The following TAOK3 variants were observed in gnomAD, a reference collection of about 807,000 sequenced individuals.
The protein encoded by TAOK3 is TAO kinase 3, also known as serine/threonine-protein kinase TAO3.
TAOK3 carries 40 observed loss-of-function variants against 120.4 expected under a neutral mutation model. The ratio of observed to expected loss-of-function variants is 0.33; its 90% CI spans 0.26 to 0.43. TAOK3 has a LOEUF of 0.43. TAOK3 is among the 20% of genes least tolerant of loss of function. TAOK3 has a pLI of 1.00. For missense variants in TAOK3, 821 were observed against 1,112.1 expected (o/e 0.74, Z 3.72); for synonymous variants, 355 against 387.5 (o/e 0.92, Z 0.99).
rs752858090 is a variant in TAOK3 at position 118,150,959 on chromosome 12, T to TC, written c.*37_*38insG. ...GGTCTGAATTTTTTTCTGTTTTCTT[T>TC]TTTTTTTTTTTTTTTGTAAATGGCA... On this transcript the variant is annotated 3_prime_UTR_variant, in exon 21 of 21. Coordinates refer to ENST00000392533, the MANE Select transcript of TAOK3 (RefSeq NM_016281.4). 22 of 1,239,128 alleles carry TC rather than the reference T, an allele frequency of 1.8e-5. No individual in the cohort carries two copies. In the East Asian group the frequency reaches 4.3e-4, roughly 24 times the overall value. 76.8% of individuals were successfully genotyped at this position (1,239,128 alleles called of 1,614,324 possible).
intron 3 of TAOK3, among the ~76,000 whole-genome samples, chr12:118,251,218 T>A (rs951318721): frequency 6.6e-6 from 1 of 151,966 alleles, no homozygotes; most frequent in African/African-American, 2.4e-5. Context: ...GATAGCAGAG[T>A]CTTCCTGGTA....
intron 8 of TAOK3, among the ~76,000 whole-genome samples, chr12:118,234,040 T>C (rs1454562378): frequency 1.3e-5 from 2 of 152,052 alleles, no homozygotes; most frequent in Non-Finnish European, 2.9e-5. Flanking sequence ...TGTACATCAG[T>C]TTCTTCATCT....
intron 1 of TAOK3, among the ~76,000 whole-genome samples, chr12:118,288,213 A>G (rs1803955852): frequency 6.6e-6 from 1 of 152,022 alleles, no homozygotes; most frequent in African/African-American, 2.4e-5. Context: ...ACTTAAATTT[A>G]TAAACTTATA....
intron 2 of TAOK3, among the ~76,000 whole-genome samples, chr12:118,258,661 G>A (rs758625001): frequency 6.6e-5 from 10 of 151,208 alleles, no homozygotes; most frequent in African/African-American, 1.2e-4. Flanking sequence ...GCAGTGAGCC[G>A]AGATCGTGCC....
intron 1 of TAOK3, among the ~76,000 whole-genome samples, chr12:118,363,302 C>A (rs1253238311): frequency 6.6e-6 from 1 of 152,070 alleles, no homozygotes; most frequent in African/African-American, 2.4e-5. Context: ...TTATATCTTA[C>A]AATTGCACAC....
At chr12:118,337,100 C>G (rs1313684175) in intron 1 of TAOK3, among the ~76,000 whole-genome samples, 1 of 152,046 alleles carries the variant, frequency 6.6e-6, no homozygotes, top group Non-Finnish European at 1.5e-5. Flanking sequence ...AGACATAAAA[C>G]AGGAATTTCA....
intron 4 of TAOK3, among the ~76,000 whole-genome samples, chr12:118,244,626 T>G (rs2040407351): frequency 6.6e-6 from 1 of 150,782 alleles, no homozygotes; most frequent in Non-Finnish European, 1.5e-5. Context: ...CCTCCCGGGT[T>G]CACGCCATTC....
At chr12:118,162,874 G>T (rs2035313852) in intron 17 of TAOK3, among the ~76,000 whole-genome samples, 1 of 152,132 alleles carries the variant, frequency 6.6e-6, no homozygotes, top group Non-Finnish European at 1.5e-5. Context: ...TTCCTCAATT[G>T]AAGAATATTT....
intron 9 of TAOK3, among the ~76,000 whole-genome samples, chr12:118,219,580 C>T (rs1257489239): frequency 6.6e-6 from 1 of 151,820 alleles, no homozygotes; most frequent in Non-Finnish European, 1.5e-5. Context: ...TTGCTTTCTT[C>T]CACATATCAC....
chr12:118,158,712 T>C (rs1054822837), intron 19 of TAOK3, among the ~76,000 whole-genome samples: 16 of 152,236 alleles, frequency 1.1e-4, no homozygotes, highest in African/African-American at 3.9e-4. Flanking sequence ...CTAATATCTT[T>C]CTGTAACACA....
At chr12:118,362,174 T>C (rs1456893344) in intron 1 of TAOK3, among the ~76,000 whole-genome samples, 1 of 152,066 alleles carries the variant, frequency 6.6e-6, no homozygotes, top group East Asian at 1.9e-4. Context: ...GATACAGCAA[T>C]TAATAAAACA....
At chr12:118,216,080 C>T (rs904373336) in intron 9 of TAOK3, among the ~76,000 whole-genome samples, 5 of 152,112 alleles carry the variant, frequency 3.3e-5, no homozygotes, top group African/African-American at 4.8e-5. Context: ...AGCCTGTAAT[C>T]CCACCTACTT....
chr12:118,186,677 C>T (rs2037097632), intron 14 of TAOK3, among the ~76,000 whole-genome samples: 1 of 152,134 alleles, frequency 6.6e-6, no homozygotes, highest in Non-Finnish European at 1.5e-5. Flanking sequence ...AAATACCCTT[C>T]CTTTTCCTAA....
chr12:118,368,709 G>C (rs1360124179), intron 1 of TAOK3, among the ~76,000 whole-genome samples: 2 of 150,758 alleles, frequency 1.3e-5, no homozygotes, highest in African/African-American at 4.8e-5. Context: ...GGGAGGCTGA[G>C]GCAGGAGAAT....
intron 9 of TAOK3, among the ~76,000 whole-genome samples, chr12:118,225,963 G>A (rs2039482968): frequency 6.6e-6 from 1 of 152,338 alleles, no homozygotes; most frequent in East Asian, 1.9e-4. Flanking sequence ...AAAATGGGCT[G>A]GCATGATGGC....
chr12:118,248,524 T>A (rs1027520894), intron 3 of TAOK3, among the ~76,000 whole-genome samples: 2 of 152,136 alleles, frequency 1.3e-5, no homozygotes, highest in Non-Finnish European at 2.9e-5. Context: ...AGTAGATATT[T>A]GAGGCATCAA....
intron 1 of TAOK3, among the ~76,000 whole-genome samples, chr12:118,318,232 A>ACTG (rs1004988414): frequency 2.0e-5 from 3 of 148,204 alleles, no homozygotes; most frequent in African/African-American, 7.6e-5. Flanking sequence ...ATCTTGGCTC[A>ACTG]CTGCAACCTC....
chr12:118,266,223 C>T lies in TAOK3; in HGVS notation c.-89+432G>A, dbSNP rs149802532. Among the ~76,000 whole-genome samples the T allele has an allele frequency of 8.5e-3, 1,297 of 152,168 alleles. 11 individuals carry two copies. The highest frequency in any genetic ancestry group is 0.029 in the African/African-American group (1,190 of 41,546). ...ATTTTATTTTTTTCAGACAGAGTTT[C>T]GCTCTTGTTGCCGAAGCTGGAGTGC... is the stretch of plus-strand genomic sequence containing the variant. On this transcript the variant is annotated intron_variant, in intron 2 of 20. Transcript: ENST00000392533.
chr12:118,279,582 A>ATTT (rs1285001157), intron 1 of TAOK3, among the ~76,000 whole-genome samples: 2 of 121,292 alleles, frequency 1.6e-5, no homozygotes, highest in African/African-American at 3.1e-5. Flanking sequence ...TCTTGAGTTG[A>ATTT]TTTTTTTTTT....
Sources: allele counts gnomAD v4.1 joint callset (sites outside exome capture counted in the v4.1 genomes callset), GRCh38; gene constraint gnomAD v4.1.1; transcripts MANE v1.5; gene names NCBI Gene and HGNC (gene_info 2026-07-23, HGNC 2026-07-21).